Variants in FGF12 observed in about 807,000 individuals in gnomAD.
FGF12 encodes fibroblast growth factor 12.
In FGF12, 14 loss-of-function variants were observed where a neutral mutation model predicts 23.6. The ratio of observed to expected loss-of-function variants is 0.59; its 90% CI spans 0.39 to 0.93. The LOEUF is 0.93. Among genes scored for constraint, FGF12 ranks in the 40% least tolerant of loss-of-function variants. The pLI is 0.00. For missense variants in FGF12, 175 were observed against 217.8 expected (o/e 0.80, Z 1.24); for synonymous variants, 62 against 77.3 (o/e 0.80, Z 1.04).
chr3:192,313,290 A>C (rs1716054600), intron 4 of FGF12, among the ~76,000 whole-genome samples: 1 of 152,194 alleles, frequency 6.6e-6, no homozygotes, highest in Non-Finnish European at 1.5e-5. Flanking sequence ...GGTAAATGAT[A>C]GTGTAAATGG....
chr3:192,217,263 C>T (rs1718238540), intron 4 of FGF12, among the ~76,000 whole-genome samples: 1 of 152,126 alleles, frequency 6.6e-6, no homozygotes, highest in Non-Finnish European at 1.5e-5. Flanking sequence ...TAAAACTGCC[C>T]AACACCTTAA....
intron 2 of FGF12, among the ~76,000 whole-genome samples, chr3:192,407,434 G>A (rs535861136): frequency 1.3e-5 from 2 of 152,152 alleles, no homozygotes; most frequent in African/African-American, 2.4e-5. Context: ...AAGTGAAAGA[G>A]CATGAGGGAA....
At chr3:192,603,002 C>G (rs1231973193) in intron 2 of FGF12, among the ~76,000 whole-genome samples, 3 of 152,000 alleles carry the variant, frequency 2.0e-5, no homozygotes, top group Non-Finnish European at 2.9e-5. Context: ...ATGATAAAAA[C>G]CCACAGGAAA....
intron 5 of FGF12, among the ~76,000 whole-genome samples, chr3:192,168,587 A>C (rs1715360729): frequency 6.6e-6 from 1 of 152,184 alleles, no homozygotes; most frequent in Non-Finnish European, 1.5e-5. Context: ...GCTCTGAGTA[A>C]ACATATGTCA....
chr3:192,341,396 A>G (rs1717682613), intron 3 of FGF12, among the ~76,000 whole-genome samples: 1 of 152,192 alleles, frequency 6.6e-6, no homozygotes, highest in South Asian at 2.1e-4. Flanking sequence ...AAAATTATAT[A>G]TCCATAATAA....
intron 2 of FGF12, among the ~76,000 whole-genome samples, chr3:192,376,288 CACAT>C (rs1282894272): frequency 6.6e-6 from 1 of 151,628 alleles, no homozygotes; most frequent in African/African-American, 2.4e-5. Context: ...TTTGAACACA[CACAT>C]AAACTTTCTT....
chr3:192,687,861 C>T (rs528179203), intron 2 of FGF12, among the ~76,000 whole-genome samples: 276 of 152,312 alleles, frequency 1.8e-3, no homozygotes, highest in Non-Finnish European at 2.5e-3. Flanking sequence ...GTGTACACTG[C>T]CAACCTCTGC....
chr3:192,634,071 T>G (rs1715492422), intron 2 of FGF12, among the ~76,000 whole-genome samples: 1 of 152,250 alleles, frequency 6.6e-6, no homozygotes. Context: ...GCACTACCTC[T>G]TTGCTTCAAA....
At chr3:192,295,647 T>C (rs1714989103) in intron 4 of FGF12, among the ~76,000 whole-genome samples, 2 of 152,178 alleles carry the variant, frequency 1.3e-5, no homozygotes, top group South Asian at 4.1e-4. Flanking sequence ...AATATTAAAG[T>C]ATATCAACCT....
intron 2 of FGF12, among the ~76,000 whole-genome samples, chr3:192,459,070 G>C (rs1722774766): frequency 1.3e-5 from 2 of 152,180 alleles, no homozygotes; most frequent in African/African-American, 4.8e-5. Context: ...GGCCTCCCCA[G>C]CTATGTGTAA....
chr3:192,230,741 T>A (rs1718975819), intron 4 of FGF12, among the ~76,000 whole-genome samples: 1 of 152,150 alleles, frequency 6.6e-6, no homozygotes, highest in Non-Finnish European at 1.5e-5. Flanking sequence ...CTTTATTTTT[T>A]ACTGTCATAG....
rs186285901 is a variant in FGF12, at chr3:192,416,411, G to C, written c.14-55873C>G. ...CGTCTGCCTGAGTTGAAGTTTATTT[G>C]CCTGTGAAACAACTACATTATAGGA... On this transcript the variant is annotated intron_variant, in intron 2 of 5. Transcript: ENST00000445105. Among the ~76,000 whole-genome samples the C allele has an allele frequency of 3.1e-3, 470 of 152,222 alleles. 5 individuals are homozygous for C. Among genetic ancestry groups the C allele is most frequent in the Admixed American group, 6.4e-3 (98 of 15,288 alleles).
intron 2 of FGF12, among the ~76,000 whole-genome samples, chr3:192,548,741 T>C (rs1350183447): frequency 6.6e-6 from 1 of 152,162 alleles, no homozygotes; most frequent in African/African-American, 2.4e-5. Context: ...ATTTACCCAG[T>C]TGTAGTGTTA....
At chr3:192,407,399 T>C (rs1422962997) in intron 2 of FGF12, among the ~76,000 whole-genome samples, 1 of 151,700 alleles carries the variant, frequency 6.6e-6, no homozygotes, top group Non-Finnish European at 1.5e-5. Flanking sequence ...AAGAAAATAA[T>C]AGGAAAATGA....
chr3:192,409,435 C>T lies in FGF12; in HGVS notation c.14-48897G>A, dbSNP rs1023452998. ...GGGAGGGAAGGAAGGGGCGCCCTGGCGGGCTCGGGATCAGGTCATCGCCGC... is the reference window on the plus strand; with the variant it reads ...GGGAGGGAAGGAAGGGGCGCCCTGGTGGGCTCGGGATCAGGTCATCGCCGC... On this transcript the variant is annotated intron_variant, in intron 2 of 5. Transcript: ENST00000445105. This position sits in a 1 kb window ranked among gnomAD's most constrained non-coding sequence, Gnocchi z 4.8. Among the ~76,000 whole-genome samples, 7 of 152,148 alleles carry T rather than the reference C, an allele frequency of 4.6e-5. No homozygotes were observed. The highest frequency in any genetic ancestry group is 7.2e-5 in the African/African-American group (3 of 41,454).
At chr3:192,327,611 C>T (rs1183762922) in intron 4 of FGF12, among the ~76,000 whole-genome samples, 4 of 151,382 alleles carry the variant, frequency 2.6e-5, no homozygotes, top group Non-Finnish European at 5.9e-5. Context: ...CACTAAAATG[C>T]CAGCGATAAG....
chr3:192,602,295 TTAG>T (rs1045364101), intron 2 of FGF12, among the ~76,000 whole-genome samples: 7 of 151,974 alleles, frequency 4.6e-5, no homozygotes, highest in African/African-American at 1.7e-4. Context: ...AAGTAAAAAA[TTAG>T]TAGGCAAATA....
At chr3:192,579,453 TG>T (rs1178509054) in intron 2 of FGF12, among the ~76,000 whole-genome samples, 1 of 152,200 alleles carries the variant, frequency 6.6e-6, no homozygotes, top group Non-Finnish European at 1.5e-5. Flanking sequence ...AGGTATTTGT[TG>T]GGGTAGGCAC....
chr3:192,331,201 A>G (rs1259045232), intron 4 of FGF12, among the ~76,000 whole-genome samples: 1 of 152,062 alleles, frequency 6.6e-6, no homozygotes, highest in Non-Finnish European at 1.5e-5. Context: ...ATCAAAAGAA[A>G]CAAAAAGTAT....
Sources: allele counts gnomAD v4.1 joint callset (sites outside exome capture counted in the v4.1 genomes callset), GRCh38; gene constraint gnomAD v4.1.1; non-coding constraint Gnocchi (gnomAD v3.1); transcripts MANE v1.5; gene names NCBI Gene and HGNC (gene_info 2026-07-23, HGNC 2026-07-21).